Variants in DENND1A observed in about 807,000 individuals in gnomAD.
The protein encoded by DENND1A is DENN domain containing 1A, also known as DENN domain-containing protein 1A.
A neutral mutation model predicts 113.7 loss-of-function variants in DENND1A; 51 were observed. The ratio of observed to expected loss-of-function variants is 0.45; its 90% CI spans 0.36 to 0.57. DENND1A has a LOEUF of 0.57. Among genes scored for constraint, DENND1A ranks in the 20% least tolerant of loss-of-function variants. DENND1A has a pLI of 0.00. For synonymous variants in DENND1A, 565 were observed against 570.8 expected (o/e 0.99, Z 0.14); for missense variants, 1,258 against 1,395.9 (o/e 0.90, Z 1.57).
intron 11 of DENND1A, among the ~76,000 whole-genome samples, chr9:123,605,275 G>A (rs1375853711): frequency 2.6e-5 from 4 of 152,036 alleles, no homozygotes; most frequent in African/African-American, 9.7e-5. Context: ...TCTGAGGTCT[G>A]TACACAAAGC....
intron 10 of DENND1A, among the ~76,000 whole-genome samples, chr9:123,616,131 T>C (rs1035263374): frequency 1.3e-5 from 2 of 152,234 alleles, no homozygotes; most frequent in African/African-American, 4.8e-5. Context: ...GGTTTCACCA[T>C]GTTGCCCAGC....
intron 10 of DENND1A, among the ~76,000 whole-genome samples, chr9:123,616,082 A>C (rs2060636731): frequency 6.6e-6 from 1 of 152,018 alleles, no homozygotes; most frequent in East Asian, 1.9e-4. Context: ...GGTGCGTACT[A>C]CCACGCCTGG....
At chr9:123,792,279 G>A (rs1256827151) in intron 3 of DENND1A, among the ~76,000 whole-genome samples, 1 of 151,912 alleles carries the variant, frequency 6.6e-6, no homozygotes, top group African/African-American at 2.4e-5. Context: ...AAGTTCACAG[G>A]CAATGCAAAA....
At chr9:123,835,684 C>T (rs1318849045) in intron 2 of DENND1A, among the ~76,000 whole-genome samples, 1 of 148,736 alleles carries the variant, frequency 6.7e-6, no homozygotes, top group Admixed American at 6.7e-5. Flanking sequence ...AAAGAAAAAA[C>T]CTGAGTACCT....
At position 123,454,540 on chromosome 9, in the gene DENND1A, C is replaced by A. The variant is rs548734561; in HGVS notation, c.1227+199G>T. The stretch of plus-strand genomic sequence containing the variant: ...GGAAGCCTCTCATGCCTTTTTCAGC[C>A]CCCACCAAGTGATGGCTTTGGACAA... On this transcript the variant is annotated intron_variant, in intron 16 of 23. Coordinates refer to ENST00000394215, the MANE Select transcript of DENND1A (RefSeq NM_001352964.2). Among the ~76,000 whole-genome samples, 5 of 152,298 alleles carry A rather than the reference C, an allele frequency of 3.3e-5. No homozygotes were observed. In the East Asian group the frequency reaches 9.7e-4, roughly 29 times the overall value.
chr9:123,821,652 T>A (rs1428084788), intron 2 of DENND1A, among the ~76,000 whole-genome samples: 1 of 152,232 alleles, frequency 6.6e-6, no homozygotes, highest in African/African-American at 2.4e-5. Flanking sequence ...CCCAGAATAA[T>A]GTTACTCCAT....
At chr9:123,810,395 G>A (rs770369996) in intron 2 of DENND1A, among the ~76,000 whole-genome samples, 1 of 151,892 alleles carries the variant, frequency 6.6e-6, no homozygotes, top group Non-Finnish European at 1.5e-5. Context: ...GGGAAGGCAG[G>A]TACACAAACA....
chr9:123,655,468 A>T (rs1037068244), intron 8 of DENND1A, among the ~76,000 whole-genome samples: 1 of 152,146 alleles, frequency 6.6e-6, no homozygotes, highest in African/African-American at 2.4e-5. Context: ...GAAGCAATTG[A>T]TTACTCAGTA....
intron 3 of DENND1A, among the ~76,000 whole-genome samples, chr9:123,780,812 G>A (rs1470053893): frequency 6.6e-6 from 1 of 152,136 alleles, no homozygotes; most frequent in African/African-American, 2.4e-5. Context: ...TGGGGCGGCT[G>A]TGGGTGAGGG....
At chr9:123,458,290 C>G (rs148384477) in intron 13 of DENND1A, among the ~76,000 whole-genome samples, 1 of 152,050 alleles carries the variant, frequency 6.6e-6, no homozygotes, top group Admixed American at 6.5e-5. Flanking sequence ...TGTGAGCCAC[C>G]GTGCCTGGCC....
At chr9:123,583,658 A>C (rs2059029233) in intron 11 of DENND1A, among the ~76,000 whole-genome samples, 1 of 152,174 alleles carries the variant, frequency 6.6e-6, no homozygotes, top group African/African-American at 2.4e-5. Flanking sequence ...TGATATCCCC[A>C]TTCAATCCAG....
chr9:123,554,153 C>G (rs2057290185), intron 13 of DENND1A, among the ~76,000 whole-genome samples: 1 of 152,224 alleles, frequency 6.6e-6, no homozygotes, highest in Admixed American at 6.5e-5. Context: ...CATCCTCCCC[C>G]CGATGCAGCC....
intron 21 of DENND1A, among the ~76,000 whole-genome samples, chr9:123,388,510 G>A (rs570744499): frequency 2.0e-5 from 3 of 152,244 alleles, no homozygotes; most frequent in African/African-American, 4.8e-5. Context: ...AAAGTGAGCC[G>A]TGCGGAAGAG....
At chr9:123,805,973 A>C in intron 2 of DENND1A, among the ~76,000 whole-genome samples, 1 of 152,188 alleles carries the variant, frequency 6.6e-6, no homozygotes, top group East Asian at 1.9e-4. Flanking sequence ...TTTTGTTTTC[A>C]GATGGAGTCT....
At chr9:123,654,467 C>T (rs1171813908) in intron 8 of DENND1A, among the ~76,000 whole-genome samples, 1 of 151,984 alleles carries the variant, frequency 6.6e-6, no homozygotes, top group Non-Finnish European at 1.5e-5. Context: ...GACACAGCGT[C>T]AGAGACAAAT....
In DENND1A at chr9:123,382,053, G is replaced by A. The variant is rs772505607; in HGVS notation, c.2592C>T (p.Ala864=). The part of the protein sequence containing the change: ...WSGSTLPSRP[A]TPNVATPFTP... Reference sequence around the variant, plus strand: ...TGAATGGGGTGGCTACATTCGGGGTGGCGGGGCGTGACGGGAGGGTGCTGC... The same window carrying A: ...TGAATGGGGTGGCTACATTCGGGGTAGCGGGGCGTGACGGGAGGGTGCTGC... The change falls in exon 24 of 24, where the codon GCC becomes GCT. Residue 864 remains alanine, a synonymous_variant. Transcript: ENST00000394215. 4 of 1,501,934 alleles carry A rather than the reference G, an allele frequency of 2.7e-6. No individual in the cohort carries two copies. The highest frequency in any genetic ancestry group is 3.5e-6 in the Non-Finnish European group (4 of 1,127,734). The allele number at this position is 1,501,934 out of a possible 1,614,324, so 93.0% of individuals were successfully genotyped here. A position where few individuals can be genotyped will look rare whatever the true frequency, so the allele number is the denominator to read the frequency against.
chr9:123,870,086 T>TA (rs951405289), intron 2 of DENND1A, among the ~76,000 whole-genome samples: 2 of 149,104 alleles, frequency 1.3e-5, no homozygotes, highest in Admixed American at 6.7e-5. Context: ...AAATGCAAGA[T>TA]AAAAAAAATA....
chr9:123,595,431 AG>A (rs1259106351), intron 11 of DENND1A, among the ~76,000 whole-genome samples: 3 of 152,112 alleles, frequency 2.0e-5, no homozygotes, highest in African/African-American at 7.2e-5. Context: ...AGGGACACAG[AG>A]ACGATTAAAC....
intron 2 of DENND1A, among the ~76,000 whole-genome samples, chr9:123,832,550 G>C (rs562267703): frequency 2.0e-5 from 3 of 152,068 alleles, no homozygotes; most frequent in Non-Finnish European, 4.4e-5. Context: ...ACAAACACCA[G>C]ATATATTTAC....
Sources: gnomAD v4.1 joint callset for allele counts (sites outside exome capture counted in the v4.1 genomes callset) on GRCh38, gnomAD v4.1.1 for gene constraint, MANE v1.5 for transcripts, NCBI Gene and HGNC (gene_info 2026-07-23, HGNC 2026-07-21) for gene names.